The following ZP3 variants were observed in gnomAD, a reference collection of about 807,000 sequenced individuals.
ZP3 encodes the protein zona pellucida glycoprotein 3.
In ZP3, 21 loss-of-function variants were observed where a neutral mutation model predicts 35.6. The ratio of observed to expected loss-of-function variants is 0.59; its 90% confidence interval spans 0.42 to 0.85. The LOEUF (loss-of-function observed/expected upper bound fraction) is 0.85, where lower values mean the gene tolerates loss of function less well. Ranked by LOEUF, ZP3 falls within the 40% of genes least tolerant of loss-of-function variation. The pLI, the probability that ZP3 is intolerant of heterozygous loss-of-function variation, is 0.00. For synonymous variants in ZP3, 207 were observed against 214.5 expected (o/e 0.96, Z 0.31); for missense variants, 437 against 536.5 (o/e 0.81, Z 1.83).
At chr7:76,398,879 G>A in intron 1 of ZP3, 1 of 1,430,630 alleles carries the variant, frequency 7.0e-7, no homozygotes, top group Non-Finnish European at 9.7e-7. Flanking sequence ...CAGGAGGATG[G>A]ACCCATAAGG....
In ZP3 at chr7:76,416,920, A is replaced by G. The variant is rs1171401333; in HGVS notation, c.-66-8132A>G. 2.0e-3 allele frequency among the ~76,000 whole-genome samples: 279 copies of G among 136,462 alleles called. 4 individuals carry two copies. Among genetic ancestry groups the G allele is most frequent in the African/African-American group, 6.9e-3 (247 of 35,744 alleles). 89.5% of individuals were successfully genotyped at this position (136,462 alleles called of 152,430 possible). The stretch of plus-strand genomic sequence containing the variant: ...CACATACATATGTATACATACATAT[A>G]TATACACATACATATGTATACATAC... On this transcript the variant is annotated intron_variant, in intron 1 of 8. Transcript: ENST00000336517.
At chr7:76,405,293 A>G (rs1216387146) in intron 1 of ZP3, among the ~76,000 whole-genome samples, 8 of 47,072 alleles carry the variant, frequency 1.7e-4, no homozygotes, top group African/African-American at 4.9e-4. Flanking sequence ...ATATATATAT[A>G]TATATATATA....
intron 5 of ZP3, among the ~76,000 whole-genome samples, chr7:76,435,769 C>T (rs1173216957): frequency 6.6e-6 from 1 of 151,298 alleles, no homozygotes; most frequent in Non-Finnish European, 1.5e-5. Context: ...CACTCTGTCA[C>T]CCAAGCTGGA....
chr7:76,398,884 A>G (rs1356157289), intron 1 of ZP3: 8 of 1,396,396 alleles, frequency 5.7e-6, no homozygotes, highest in Non-Finnish European at 8.0e-6. Flanking sequence ...GGATGGACCC[A>G]TAAGGTGCTT....
chr7:76,410,997 AAG>A (rs1314809479), intron 1 of ZP3, among the ~76,000 whole-genome samples: 1 of 132,452 alleles, frequency 7.5e-6, no homozygotes, highest in African/African-American at 3.0e-5. Flanking sequence ...TCCATCTCAA[AAG>A]AAAAAAAAAA....
intron 1 of ZP3, chr7:76,400,257 G>T: frequency 1.4e-6 from 2 of 1,435,536 alleles, no homozygotes; most frequent in Admixed American, 2.6e-5. Flanking sequence ...CAGTCTGTCT[G>T]TCCCTCCAGG....
At chr7:76,411,810 G>A (rs567993953) in intron 1 of ZP3, among the ~76,000 whole-genome samples, 3 of 152,226 alleles carry the variant, frequency 2.0e-5, no homozygotes, top group Admixed American at 2.0e-4. Context: ...TTATCCAAGA[G>A]AAATGAAAAC....
In ZP3 at chr7:76,440,860, G is replaced by C. The variant is rs187663736; in HGVS notation, c.1060+249G>C. 4.5e-3 allele frequency among the ~76,000 whole-genome samples: 681 copies of C among 152,152 alleles called. 10 individuals carry two copies. The highest frequency in any genetic ancestry group is 0.034 in the Middle Eastern group (10 of 294). On this transcript the variant is annotated intron_variant, in intron 7 of 7. Coordinates refer to ENST00000394857, the MANE Select transcript of ZP3 (RefSeq NM_001110354.2). ...CTACTGAGACATAATTAGGCATGTA[G>C]GGGAAATATAGCAGTTGTTAAGATA...
At chr7:76,436,035 T>C (rs1805993915) in intron 5 of ZP3, among the ~76,000 whole-genome samples, 1 of 13,906 alleles carries the variant, frequency 7.2e-5, no homozygotes, top group Non-Finnish European at 1.2e-4. Flanking sequence ...GCCCCCTTTT[T>C]TTTTTTTTTT....
At chr7:76,397,639 T>C (rs754853681) in exon 1 of ZP3, 4 of 1,613,672 alleles carry the variant, frequency 2.5e-6, no homozygotes, top group East Asian at 2.2e-5. Context: ...GCAGGATGTG[T>C]CCGGTGCCAT....
rs200166313 is a variant in ZP3, at chr7:76,400,442, C to T, written c.-67+2645C>T. ...TGGCCAAAGGCAAGGGGCCGTGGCA[C>T]GGGCAGTGCCAGGCCACAGCCCAGC... On this transcript the variant is annotated intron_variant, in intron 1 of 8. Transcript: ENST00000336517. 86 of 1,607,426 alleles carry T rather than the reference C, an allele frequency of 5.4e-5. No homozygotes were observed. The African/African-American group carries it at 8.3e-4, about 15-fold the overall frequency.
At chr7:76,432,202 T>C (rs994080227) in intron 2 of ZP3, among the ~76,000 whole-genome samples, 1 of 151,480 alleles carries the variant, frequency 6.6e-6, no homozygotes, top group African/African-American at 2.4e-5. Context: ...TTTTCTTTTT[T>C]TTTTGAGATG....
At chr7:76,413,527 A>C (rs1805298042) in intron 1 of ZP3, among the ~76,000 whole-genome samples, 1 of 152,126 alleles carries the variant, frequency 6.6e-6, no homozygotes, top group Non-Finnish European at 1.5e-5. Flanking sequence ...TTGGCTTCCC[A>C]AAGTGCTGGG....
intron 1 of ZP3, chr7:76,404,306 C>T (rs760089682): frequency 6.3e-7 from 1 of 1,596,686 alleles, no homozygotes; most frequent in Non-Finnish European, 8.5e-7. Flanking sequence ...GGAGGACTCA[C>T]CCAGTGGCAG....
At chr7:76,398,119 T>C (rs1219681263) in intron 1 of ZP3, among the ~76,000 whole-genome samples, 1 of 152,064 alleles carries the variant, frequency 6.6e-6, no homozygotes, top group East Asian at 1.9e-4. Flanking sequence ...CCCACACCTC[T>C]TCCTCCAGGA....
At chr7:76,431,771 T>C (rs1193926069) in intron 2 of ZP3, among the ~76,000 whole-genome samples, 2 of 149,024 alleles carry the variant, frequency 1.3e-5, no homozygotes, top group Non-Finnish European at 3.0e-5. Context: ...TAGTGGCGGG[T>C]GCCTGTAGTC....
intron 3 of ZP3, 61 bp downstream of exon 3, chr7:76,433,091 C>A: frequency 1.6e-6 from 2 of 1,244,318 alleles, no homozygotes; most frequent in Non-Finnish European, 2.2e-6. Context: ...CAGACCCCTG[C>A]CCTTGGCTGT....
chr7:76,435,748 T>TTTG (rs370050479), intron 5 of ZP3, among the ~76,000 whole-genome samples: 1 of 142,676 alleles, frequency 7.0e-6, no homozygotes. Flanking sequence ...TTTTTTTTTT[T>TTTG]GAGACAGTCT....
rs139299212 is a variant in ZP3 at position 76,397,603 on chromosome 7, G to A, written c.-261G>A. 247 of 1,607,554 alleles carry A rather than the reference G, an allele frequency of 1.5e-4. No individual in the cohort carries two copies. In the African/African-American group the frequency reaches 2.6e-3, roughly 17 times the overall value. Reference sequence around the variant, plus strand: ...TCTGGCAGGCTGCCAGGCGGGGCTCGCCGCCTTCGCAGTGCACGTTGTCCA... The same window carrying A: ...TCTGGCAGGCTGCCAGGCGGGGCTCACCGCCTTCGCAGTGCACGTTGTCCA... On this transcript the variant is annotated 5_prime_UTR_variant, in exon 1 of 9. Transcript: ENST00000336517.
Sources: allele counts gnomAD v4.1 joint callset (sites outside exome capture counted in the v4.1 genomes callset), GRCh38; gene constraint gnomAD v4.1.1; transcripts MANE v1.5; gene names NCBI Gene and HGNC (gene_info 2026-07-23, HGNC 2026-07-21).